INSL6: variants seen among roughly 807,000 people sequenced by gnomAD.
INSL6 encodes insulin-like peptide INSL6.
Under a neutral mutation model 9.4 loss-of-function variants are expected in INSL6, and 16 were observed. The ratio of observed to expected loss-of-function variants is 1.70; its 90% CI spans 1.15 to 2.59. The LOEUF is 2.59. INSL6 is among the 30% of genes most tolerant of loss of function. The pLI is 0.00. For missense variants in INSL6, 391 were observed against 257.3 expected (o/e 1.52, Z -3.56); for synonymous variants, 154 against 96.9 (o/e 1.59, Z -3.46).
In INSL6 at chr9:5,143,887, T is replaced by C. The variant is rs541897301; in HGVS notation, c.377-10295A>G. The stretch of plus-strand genomic sequence containing the variant: ...GTTGGCCATGCTGGTCTCGAACTCC[T>C]GACCTCAGGTAATACACCCGCCTCA... On this transcript the variant is annotated intron_variant, in intron 2 of 3. Transcript: ENST00000649639. Among the ~76,000 whole-genome samples the C allele has an allele frequency of 3.3e-5, 5 of 152,106 alleles. No homozygotes were observed. In the South Asian group the frequency reaches 1.0e-3, roughly 32 times the overall value.
At chr9:5,139,124 T>A (rs1423398221) in intron 2 of INSL6, among the ~76,000 whole-genome samples, 8 of 152,174 alleles carry the variant, frequency 5.3e-5, no homozygotes, top group African/African-American at 1.9e-4. Flanking sequence ...ATAAAGGTCA[T>A]ATCTTTGCTA....
chr9:5,153,239 T>G (rs918058040), intron 2 of INSL6, among the ~76,000 whole-genome samples: 24 of 152,060 alleles, frequency 1.6e-4, no homozygotes, highest in African/African-American at 5.8e-4. Flanking sequence ...AGCCAAGTAG[T>G]CTGGCTCTGT....
At chr9:5,167,649 A>G (rs1360063) in intron 1 of INSL6, among the ~76,000 whole-genome samples, 62,714 of 152,080 alleles carry the variant, frequency 0.41, 15,721 homozygotes, top group African/African-American at 0.72. Context: ...AGGGTTGGCC[A>G]CGCTATCGTG....
chr9:5,106,440 C>T, the INSL6 span, among the ~76,000 whole-genome samples: 1 of 152,238 alleles, frequency 6.6e-6, no homozygotes, highest in Non-Finnish European at 1.5e-5. Context: ...CACTTTCACA[C>T]TGTTGGTGGG....
chr9:5,052,934 G>C, the INSL6 span, among the ~76,000 whole-genome samples: 2 of 152,062 alleles, frequency 1.3e-5, no homozygotes, highest in Admixed American at 1.3e-4. Flanking sequence ...TTTGGCTATT[G>C]TGACTAATGT....
the INSL6 span, among the ~76,000 whole-genome samples, chr9:5,019,104 A>G: frequency 6.6e-6 from 1 of 152,158 alleles, no homozygotes. Flanking sequence ...ATCTCTTGAT[A>G]TACTTGGGTA....
At chr9:5,153,470 G>A (rs767468580) in intron 2 of INSL6, among the ~76,000 whole-genome samples, 22 of 152,304 alleles carry the variant, frequency 1.4e-4, no homozygotes, top group East Asian at 9.6e-4. Context: ...CAAGGCCACC[G>A]TGGAAAGACT....
chr9:5,040,419 A>G, the INSL6 span, among the ~76,000 whole-genome samples: 3 of 152,222 alleles, frequency 2.0e-5, no homozygotes. Flanking sequence ...TATGACACCA[A>G]AAGCTCAAGT....
At chr9:5,075,476 T>C in the INSL6 span, among the ~76,000 whole-genome samples, 1 of 152,256 alleles carries the variant, frequency 6.6e-6, no homozygotes, top group East Asian at 1.9e-4. Context: ...ATTCCAAAAA[T>C]CCCAGGGCTC....
At chr9:5,023,637 G>C in the INSL6 span, among the ~76,000 whole-genome samples, 1 of 152,202 alleles carries the variant, frequency 6.6e-6, no homozygotes, top group African/African-American at 2.4e-5. Flanking sequence ...GTCTCTCCTA[G>C]CTTCTTGCCA....
the INSL6 span, among the ~76,000 whole-genome samples, chr9:5,019,828 T>A: frequency 6.6e-6 from 1 of 152,204 alleles, no homozygotes; most frequent in African/African-American, 2.4e-5. Flanking sequence ...TGTCTGTGAT[T>A]TCCTCAGTGG....
In INSL6 at chr9:5,149,882, C is replaced by G. The variant is rs1564042021; in HGVS notation, c.376+14297G>C. On this transcript the variant is annotated intron_variant, in intron 2 of 3. Coordinates refer to the INSL6 transcript ENST00000649639. ...CTATAATAACCAAAGCAACAGGCTA[C>G]TCATATAAAAACAGACACATAGATC... Among the ~76,000 whole-genome samples, 5 of 152,270 alleles carry G rather than the reference C, an allele frequency of 3.3e-5. No individual in the cohort carries two copies. In the South Asian group the frequency reaches 1.0e-3, roughly 32 times the overall value.
chr9:5,043,115 C>G, the INSL6 span, among the ~76,000 whole-genome samples: 1 of 152,164 alleles, frequency 6.6e-6, no homozygotes, highest in Non-Finnish European at 1.5e-5. Flanking sequence ...TGCCTTAAAG[C>G]CCCCGACCCA....
the INSL6 span, chr9:5,080,623 C>G: frequency 6.2e-7 from 1 of 1,607,914 alleles, no homozygotes; most frequent in Non-Finnish European, 8.5e-7. Context: ...GGATTATGAA[C>G]CAGATTTCAG....
intron 1 of INSL6, among the ~76,000 whole-genome samples, chr9:5,177,064 G>C (rs1430988970): frequency 6.6e-6 from 1 of 152,108 alleles, no homozygotes; most frequent in Non-Finnish European, 1.5e-5. Flanking sequence ...TAATAAAGAG[G>C]TCAATGGGGT....
chr9:5,110,632 C>CT, the INSL6 span: 1 of 216,134 alleles, frequency 4.6e-6, no homozygotes, highest in Non-Finnish European at 9.3e-6. Context: ...GGCTTTTACT[C>CT]TAAAGACCTT....
intron 2 of INSL6, among the ~76,000 whole-genome samples, chr9:5,149,894 C>CA (rs1183807757): frequency 2.0e-5 from 3 of 152,176 alleles, no homozygotes; most frequent in Non-Finnish European, 2.9e-5. Flanking sequence ...CATATAAAAA[C>CA]AGACACATAG....
chr9:5,151,773 T>C (rs984341892), intron 2 of INSL6, among the ~76,000 whole-genome samples: 2 of 152,176 alleles, frequency 1.3e-5, no homozygotes, highest in Non-Finnish European at 2.9e-5. Flanking sequence ...AGCAAGATTG[T>C]ATATTTAAAC....
At chr9:5,136,234 A>G (rs1480215621) in intron 2 of INSL6, among the ~76,000 whole-genome samples, 4 of 152,214 alleles carry the variant, frequency 2.6e-5, no homozygotes, top group African/African-American at 9.6e-5. Context: ...TATTCCAAAC[A>G]ATTGAAAAAG....
Sources: allele counts gnomAD v4.1 joint callset (sites outside exome capture counted in the v4.1 genomes callset), GRCh38; gene constraint gnomAD v4.1.1; transcripts MANE v1.5; gene names NCBI Gene and HGNC (gene_info 2026-07-23, HGNC 2026-07-21).